NPLOC4: variants seen among roughly 807,000 people sequenced by gnomAD.
NPLOC4 encodes the protein NPL4 homolog, ubiquitin recognition factor.
In NPLOC4, 18 loss-of-function variants were observed where a neutral mutation model predicts 80.6. That is an observed-to-expected ratio of 0.22 (90% CI 0.15 to 0.33). The LOEUF (loss-of-function observed/expected upper bound fraction) is 0.33. Ranked by LOEUF, NPLOC4 falls within the 10% of genes least tolerant of loss-of-function variation. The probability of loss-of-function intolerance (pLI) is 1.00; values close to 1 mark genes in which losing one functional copy is unlikely to be tolerated. For synonymous variants in NPLOC4, 313 were observed against 301.5 expected (o/e 1.04, Z -0.39); for missense variants, 540 against 786.1 (o/e 0.69, Z 3.74).
Position 81,577,645 on chromosome 17 carries a change from C to G in NPLOC4, c.1282-5557G>C, listed in dbSNP as rs2034336721. ...CTTGCCTGAGCTTCCAGACCTGAGT[C>G]CTGGCAACCGTCTGTCCTGCTCCAT... On this transcript the variant is annotated intron_variant, in intron 12 of 16. Coordinates refer to ENST00000331134, the MANE Select transcript of NPLOC4 (RefSeq NM_017921.4). This position sits in a 1 kb window ranked among gnomAD's most constrained non-coding sequence, Gnocchi z 4.3. Among the ~76,000 whole-genome samples, 1 of 152,174 alleles carries G rather than the reference C, an allele frequency of 6.6e-6. No homozygotes were observed. Among genetic ancestry groups the G allele is most frequent in the Non-Finnish European group, 1.5e-5 (1 of 68,042 alleles).
At chr17:81,585,467 T>C (rs2034554134) in intron 12 of NPLOC4, among the ~76,000 whole-genome samples, 1 of 151,548 alleles carries the variant, frequency 6.6e-6, no homozygotes, top group Non-Finnish European at 1.5e-5. Flanking sequence ...TTTGAGACCA[T>C]CCTGGCCAAC....
chr17:81,584,259 A>G (rs1404942401), intron 12 of NPLOC4, among the ~76,000 whole-genome samples: 5 of 152,198 alleles, frequency 3.3e-5, no homozygotes, highest in East Asian at 3.8e-4. Flanking sequence ...CAAATCCTAC[A>G]GGGCTATAAA....
At chr17:81,617,594 G>A (rs1256374966) in intron 3 of NPLOC4, among the ~76,000 whole-genome samples, 1 of 152,126 alleles carries the variant, frequency 6.6e-6, no homozygotes, top group Non-Finnish European at 1.5e-5. Context: ...TGGATCACAA[G>A]GTCGGGAGAT....
chr17:81,561,277 G>A (rs1034910736), intron 16 of NPLOC4, among the ~76,000 whole-genome samples: 2 of 152,040 alleles, frequency 1.3e-5, no homozygotes, highest in South Asian at 2.1e-4. Flanking sequence ...TTTGTGAAAC[G>A]TTTCACCCTC....
At chr17:81,615,091 C>T (rs942777656) in intron 3 of NPLOC4, among the ~76,000 whole-genome samples, 3 of 105,968 alleles carry the variant, frequency 2.8e-5, no homozygotes, top group South Asian at 3.7e-4. Context: ...ACATCAGAGA[C>T]GTCTGTTTCT....
At chr17:81,566,096 G>A (rs573928901) in intron 15 of NPLOC4, among the ~76,000 whole-genome samples, 22 of 152,332 alleles carry the variant, frequency 1.4e-4, no homozygotes, top group African/African-American at 5.0e-4. Flanking sequence ...CACTTTCAGA[G>A]GCAGAGGCAG....
Position 81,567,334 on chromosome 17 carries a change from TG to T in NPLOC4, c.1566+82del. ...CCAGTTTCCCAATCATGCTCTGGTC[TG>T]GGAGGAAAGAAAGCAAGACACAGGC... is the stretch of plus-strand genomic sequence containing the variant. On this transcript the variant is annotated intron_variant, in intron 15 of 16. Coordinates refer to ENST00000331134, the MANE Select transcript of NPLOC4 (RefSeq NM_017921.4). The surrounding 1 kb of genome is among the most constrained non-coding windows in gnomAD (Gnocchi z 4.5). 1 of 831,992 alleles carries T rather than the reference TG, an allele frequency of 1.2e-6. No individual in the cohort carries two copies. The highest frequency in any genetic ancestry group is 2.0e-6 in the Non-Finnish European group (1 of 496,622). The allele number at this position is 831,992 out of a possible 1,614,324, so 51.5% of individuals were successfully genotyped here.
At chr17:81,578,264 T>C (rs758050758) in intron 12 of NPLOC4, among the ~76,000 whole-genome samples, 1 of 152,154 alleles carries the variant, frequency 6.6e-6, no homozygotes, top group Admixed American at 6.5e-5. Context: ...TCCAGGTACA[T>C]AGCTTCAGCA....
At chr17:81,562,203 G>A (rs1436974240) in intron 16 of NPLOC4, 1 of 152,160 alleles carries the variant, frequency 6.6e-6, no homozygotes, top group Non-Finnish European at 1.5e-5. Flanking sequence ...TTGCACTGCA[G>A]CCTGGGTGAC....
chr17:81,592,844 T>C (rs1001841802), intron 11 of NPLOC4, among the ~76,000 whole-genome samples: 1 of 151,928 alleles, frequency 6.6e-6, no homozygotes, highest in African/African-American at 2.4e-5. Context: ...ATTGGCCGGG[T>C]GTGTTGGCAT....
intron 12 of NPLOC4, among the ~76,000 whole-genome samples, chr17:81,574,467 T>C (rs569341466): frequency 2.0e-5 from 3 of 152,232 alleles, no homozygotes; most frequent in Admixed American, 1.3e-4. Context: ...ACACACCATT[T>C]TAAAAGGCAA....
intron 8 of NPLOC4, among the ~76,000 whole-genome samples, chr17:81,603,993 C>T (rs558672159): frequency 6.6e-6 from 1 of 152,146 alleles, no homozygotes; most frequent in African/African-American, 2.4e-5. Flanking sequence ...ATAATCATAC[C>T]GAGAGGGCCT....
intron 16 of NPLOC4, chr17:81,564,107 C>CACACACACACACAG: frequency 3.0e-6 from 1 of 336,698 alleles, no homozygotes; most frequent in Non-Finnish European, 5.9e-6. Flanking sequence ...CACACACACA[C>CACACACACACACAG]ACACACACAC....
chr17:81,585,499 T>A (rs2034555514), intron 12 of NPLOC4, among the ~76,000 whole-genome samples: 1 of 151,828 alleles, frequency 6.6e-6, no homozygotes. Flanking sequence ...CAATCTCTAC[T>A]AAAAATTTAA....
chr17:81,564,972 C>T, intron 16 of NPLOC4: 1 of 319,290 alleles, frequency 3.1e-6, no homozygotes, highest in Non-Finnish European at 5.8e-6. Context: ...GGAGTCCCTG[C>T]AGCAATGCTG....
chr17:81,582,260 G>A lies in NPLOC4; in HGVS notation c.1281+6684C>T, dbSNP rs151002180. On this transcript the variant is annotated intron_variant, in intron 12 of 16. Coordinates refer to ENST00000331134, the MANE Select transcript of NPLOC4 (RefSeq NM_017921.4). The stretch of plus-strand genomic sequence containing the variant: ...GAGCTGTGGCATGACGGGCATGAAA[G>A]GGCAAAGCTGAAGATGCCTGCACGT... 9.2e-3 allele frequency among the ~76,000 whole-genome samples: 1,409 copies of A among 152,348 alleles called. 9 individuals carry two copies. Among genetic ancestry groups the A allele is most frequent in the Non-Finnish European group, 0.013 (917 of 68,032 alleles).
intron 9 of NPLOC4, among the ~76,000 whole-genome samples, chr17:81,598,308 A>C (rs1598650439): frequency 6.6e-6 from 1 of 152,080 alleles, no homozygotes; most frequent in South Asian, 2.1e-4. Flanking sequence ...GCTGGGTTAG[A>C]GATGAGTTTC....
intron 12 of NPLOC4, among the ~76,000 whole-genome samples, chr17:81,581,779 C>G (rs1468813194): frequency 6.6e-6 from 1 of 152,206 alleles, no homozygotes. Context: ...AATAAAAGGA[C>G]TGGAGGCTGT....
intron 12 of NPLOC4, among the ~76,000 whole-genome samples, chr17:81,581,482 T>C (rs1431374999): frequency 6.6e-6 from 1 of 150,446 alleles, no homozygotes; most frequent in Non-Finnish European, 1.5e-5. Flanking sequence ...ATCAACCAAT[T>C]CTCCCTGCCC....
Sources: allele counts gnomAD v4.1 joint callset (sites outside exome capture counted in the v4.1 genomes callset), GRCh38; gene constraint gnomAD v4.1.1; non-coding constraint Gnocchi (gnomAD v3.1); transcripts MANE v1.5; gene names NCBI Gene and HGNC (gene_info 2026-07-23, HGNC 2026-07-21).